The following STK10 variants were observed in gnomAD, a reference collection of about 807,000 sequenced individuals.
STK10 encodes serine/threonine kinase 10.
A neutral mutation model predicts 113.8 loss-of-function variants in STK10; 78 were observed. The ratio of observed to expected loss-of-function variants is 0.69; its 90% CI spans 0.57 to 0.83. STK10 has a LOEUF of 0.83. Among genes scored for constraint, STK10 ranks in the 40% least tolerant of loss-of-function variants. The pLI, the probability that STK10 is intolerant of heterozygous loss-of-function variation, is 0.00. For missense variants in STK10, 1,109 were observed against 1,280.1 expected (o/e 0.87, Z 2.04); for synonymous variants, 465 against 494.7 (o/e 0.94, Z 0.80).
chr5:172,051,780 C>A (rs1767635108), intron 18 of STK10, among the ~76,000 whole-genome samples: 1 of 152,040 alleles, frequency 6.6e-6, no homozygotes, highest in African/African-American at 2.4e-5. Flanking sequence ...ACCAGGAGGT[C>A]AAGTCCAGCC....
chr5:172,129,426 C>T (rs1275473011), intron 2 of STK10, among the ~76,000 whole-genome samples: 1 of 152,186 alleles, frequency 6.6e-6, no homozygotes, highest in Non-Finnish European at 1.5e-5. Context: ...ACGGGCCTGA[C>T]CTCAGCTTCC....
chr5:172,077,942 C>T (rs1231787262), intron 12 of STK10, among the ~76,000 whole-genome samples: 1 of 152,174 alleles, frequency 6.6e-6, no homozygotes, highest in Non-Finnish European at 1.5e-5. Flanking sequence ...TGTTGCAGCA[C>T]TGGAATGGCT....
Position 172,045,010 on chromosome 5 carries a change from C to A in STK10, c.2779G>T (p.Asp927Tyr). 1 of 1,614,146 alleles carries A rather than the reference C, an allele frequency of 6.2e-7. No individual in the cohort carries two copies. The highest frequency in any genetic ancestry group is 8.5e-7 in the Non-Finnish European group (1 of 1,180,034). ...TGCTCCCGCTTCTTCTGGTTCAGAT[C>A]CTCTTCCAGAGCCTAGGGAAGAGAG... The part of the protein sequence containing the change: ...LRPRKKALEE[D>Y]LNQKKREQEM... The change falls in exon 19 of 19, where the codon GAT (aspartate) becomes TAT (tyrosine). Residue 927 changes from aspartate (D) to tyrosine (Y), a missense_variant. Coordinates refer to ENST00000176763, the MANE Select transcript of STK10 (RefSeq NM_005990.4).
At chr5:172,072,448 AG>A (rs1363380964) in intron 12 of STK10, among the ~76,000 whole-genome samples, 1 of 152,098 alleles carries the variant, frequency 6.6e-6, no homozygotes, top group African/African-American at 2.4e-5. Context: ...TTGTATTTTT[AG>A]TAGAGATGGG....
intron 18 of STK10, among the ~76,000 whole-genome samples, chr5:172,049,465 G>A (rs534237796): frequency 1.8e-4 from 27 of 152,264 alleles, no homozygotes; most frequent in African/African-American, 4.3e-4. Flanking sequence ...AGCAGGGAAC[G>A]AGGGAAGCGC....
intron 1 of STK10, among the ~76,000 whole-genome samples, chr5:172,174,826 G>A (rs1290414166): frequency 6.6e-6 from 1 of 152,098 alleles, no homozygotes; most frequent in Non-Finnish European, 1.5e-5. Flanking sequence ...AAGGAGCTGC[G>A]CTTCCCTCAG....
intron 18 of STK10, among the ~76,000 whole-genome samples, chr5:172,047,896 T>G (rs1303768104): frequency 7.2e-6 from 1 of 138,962 alleles, no homozygotes; most frequent in Non-Finnish European, 1.5e-5. Context: ...CCATGTTTTT[T>G]GGGTTTTTTT....
intron 12 of STK10, among the ~76,000 whole-genome samples, chr5:172,066,322 C>T (rs1561793494): frequency 7.7e-6 from 1 of 129,786 alleles, no homozygotes; most frequent in African/African-American, 3.0e-5. Flanking sequence ...GATAAGTTTC[C>T]TATTTTTTTT....
At chr5:172,166,084 C>A (rs529418800) in intron 1 of STK10, among the ~76,000 whole-genome samples, 2 of 152,330 alleles carry the variant, frequency 1.3e-5, no homozygotes, top group East Asian at 1.9e-4. Context: ...TGAGCCACTG[C>A]GCTCGGCCAG....
intron 6 of STK10, 27 bp downstream of exon 6, chr5:172,106,593 G>C: frequency 6.2e-7 from 1 of 1,601,932 alleles, no homozygotes; most frequent in South Asian, 1.1e-5. Flanking sequence ...AGGCACCCCG[G>C]CAGGTGGCCC....
chr5:172,052,849 C>A (rs532372435), intron 18 of STK10, 80 bp downstream of exon 18: 1 of 1,355,502 alleles, frequency 7.4e-7, no homozygotes. Flanking sequence ...AATAAGGAGA[C>A]CTAACATGTC....
Position 172,093,773 on chromosome 5 carries a change from G to A in STK10, c.1193C>T (p.Pro398Leu). ...LQTTSPPVVAPGNENGLAVPV... is the reference protein window; with the variant it reads ...LQTTSPPVVALGNENGLAVPV... The stretch of plus-strand genomic sequence containing the variant: ...CACTGCCAGGCCGTTCTCATTTCCA[G>A]GGGCCACGACTGGGGGACTGGTGGT... The change falls in exon 9 of 19, where the codon CCT becomes CTT. Residue 398 changes from proline (P) to leucine (L), a missense_variant. Pro to Leu is a moderately conservative substitution (Grantham distance 98). Around this residue, in one of 5 missense-constraint regions of STK10, gnomAD observed 885 missense variants for 991.1 expected, o/e 0.89. Transcript: ENST00000176763. This position sits in a 1 kb window ranked among gnomAD's most constrained non-coding sequence, Gnocchi z 4.1. 6.2e-7 allele frequency: 1 copy of A among 1,610,378 alleles called. No homozygotes were observed. Among genetic ancestry groups the A allele is most frequent in the Non-Finnish European group, 8.5e-7 (1 of 1,177,332 alleles).
Position 172,187,658 on chromosome 5 carries a change from G to A in STK10, c.156+229C>T, listed in dbSNP as rs998210806. Among the ~76,000 whole-genome samples the A allele has an allele frequency of 2.6e-5, 4 of 152,244 alleles. No individual in the cohort carries two copies. Among genetic ancestry groups the A allele is most frequent in the Admixed American group, 2.6e-4 (4 of 15,284 alleles). On this transcript the variant is annotated intron_variant, in intron 1 of 18. Coordinates refer to ENST00000176763, the MANE Select transcript of STK10 (RefSeq NM_005990.4). The surrounding 1 kb of genome is among the most constrained non-coding windows in gnomAD (Gnocchi z 4.6). ...GGAAGTGCTCCGAAACAGGGCTAGG[G>A]TGGGGGCGGCAACCGTGCCCGGAGG...
chr5:172,188,130 G>GT lies in STK10; in HGVS notation c.-89_-88insA. The GT allele has an allele frequency of 6.6e-7, 1 of 1,520,028 alleles. No homozygotes were observed. The highest frequency in any genetic ancestry group is 8.8e-7 in the Non-Finnish European group (1 of 1,133,502). 94.2% of individuals were successfully genotyped at this position (1,520,028 alleles called of 1,614,324 possible). ...CCGCGAGGAGAAGGAGGAGGAGTTG[G>GT]AGGACGCCGCGTCTCTCGGGGTTCT... On this transcript the variant is annotated 5_prime_UTR_variant, in exon 1 of 19. Coordinates refer to ENST00000176763, the MANE Select transcript of STK10 (RefSeq NM_005990.4). The surrounding 1 kb of genome is among the most constrained non-coding windows in gnomAD (Gnocchi z 5.6).
In STK10 at chr5:172,101,948, G is replaced by C. The variant is rs181711652; in HGVS notation, c.870+3708C>G. 3.0e-4 allele frequency among the ~76,000 whole-genome samples: 46 copies of C among 151,768 alleles called. No homozygotes were observed. In the East Asian group the frequency reaches 8.9e-3, roughly 29 times the overall value. Reference sequence around the variant, plus strand: ...GAGGCTGGAGTGTGGGAGCGAGAGGGGCGATGGGGGTCAGCAGGGTGGGGG... The same window carrying C: ...GAGGCTGGAGTGTGGGAGCGAGAGGCGCGATGGGGGTCAGCAGGGTGGGGG... On this transcript the variant is annotated intron_variant, in intron 7 of 18. Transcript: ENST00000176763.
At chr5:172,101,574 G>A (rs141063182) in intron 7 of STK10, among the ~76,000 whole-genome samples, 2 of 152,156 alleles carry the variant, frequency 1.3e-5, no homozygotes, top group African/African-American at 4.8e-5. Flanking sequence ...AAACAAAGAC[G>A]CTGTCCTCAG....
chr5:172,064,938 C>A (rs1022490910), intron 12 of STK10, 126 bp from the exon 13 acceptor site: 184 of 990,476 alleles, frequency 1.9e-4, no homozygotes, highest in Non-Finnish European at 2.1e-4. Flanking sequence ...CAGCGGCCAG[C>A]ACCCTACGCG....
chr5:172,105,826 C>A (rs1046687292), intron 6 of STK10, 89 bp from the exon 7 acceptor site: 1 of 1,187,912 alleles, frequency 8.4e-7, no homozygotes, highest in Middle Eastern at 1.9e-4. Context: ...CCCAATCATG[C>A]CCCTCAAAGG....
At chr5:172,153,196 G>T (rs935599641) in intron 2 of STK10, among the ~76,000 whole-genome samples, 3 of 152,084 alleles carry the variant, frequency 2.0e-5, no homozygotes, top group African/African-American at 7.2e-5. Context: ...TGAGGCAAGA[G>T]AATCTCTTGA....
Sources: gnomAD v4.1 joint callset for allele counts (sites outside exome capture counted in the v4.1 genomes callset) on GRCh38, gnomAD v4.1.1 for gene constraint, gnomAD v4.1.1 regional missense constraint, Gnocchi (gnomAD v3.1) non-coding constraint, MANE v1.5 for transcripts, NCBI Gene and HGNC (gene_info 2026-07-23, HGNC 2026-07-21) for gene names.